The following DNAH8 variants were observed in gnomAD, a reference collection of about 807,000 sequenced individuals.
DNAH8 encodes the protein dynein axonemal heavy chain 8.
A neutral mutation model predicts 562.1 loss-of-function variants in DNAH8; 382 were observed. The observed-to-expected ratio is 0.68, with a 90% CI of 0.63 to 0.74. The LOEUF is 0.74. Among genes scored for constraint, DNAH8 ranks in the 30% least tolerant of loss-of-function variants. The probability of loss-of-function intolerance (pLI) is 0.00; values close to 1 mark genes in which losing one functional copy is unlikely to be tolerated. For synonymous variants in DNAH8, 1,881 were observed against 1,919.4 expected, an observed-to-expected ratio of 0.98 and a Z score of 0.52; for missense variants, 5,203 against 5,620.4, an observed-to-expected ratio of 0.93 and a Z score of 2.37.
At chr6:38,740,727 C>T (rs577142786) in intron 7 of DNAH8, among the ~76,000 whole-genome samples, 6 of 152,130 alleles carry the variant, frequency 3.9e-5, no homozygotes, top group Admixed American at 6.5e-5. Flanking sequence ...TGATCCTCCC[C>T]GCTCAGCCTC....
At chr6:39,012,116 A>G (rs1225779543) in intron 89 of DNAH8, 99 bp from the exon 90 acceptor site, 3 of 832,016 alleles carry the variant, frequency 3.6e-6, no homozygotes, top group Non-Finnish European at 5.5e-6. Flanking sequence ...TGGTAGAGAT[A>G]CATCTAGAGG....
Position 38,894,783 on chromosome 6 carries a change from C to G in DNAH8, c.8666C>G (p.Thr2889Ser), listed in dbSNP as rs1779565791. The G allele has an allele frequency of 6.2e-7, 1 of 1,613,932 alleles. No individual in the cohort carries two copies. Among genetic ancestry groups the G allele is most frequent in the East Asian group, 2.2e-5 (1 of 44,848 alleles). The change falls in exon 59 of 93, where the codon ACC (threonine) becomes AGC (serine). Residue 2889 changes from threonine to serine, a missense_variant. Around this residue, in one of 6 missense-constraint regions of DNAH8, gnomAD observed 977 missense variants for 1,061.8 expected, o/e 0.92. Coordinates refer to ENST00000327475, the MANE Select transcript of DNAH8 (RefSeq NM_001206927.2). Reference protein sequence around the residue: ...DLSRIWQGMLTIKAEECASIP... With the variant: ...DLSRIWQGMLSIKAEECASIP... ...TCCAGAATTTGGCAAGGAATGTTGACCATAAAAGCTGAGGAGTGCGCTTCA... is the reference window on the plus strand; with the variant it reads ...TCCAGAATTTGGCAAGGAATGTTGAGCATAAAAGCTGAGGAGTGCGCTTCA...
intron 58 of DNAH8, among the ~76,000 whole-genome samples, chr6:38,893,309 A>G (rs1779461179): frequency 6.6e-6 from 1 of 152,204 alleles, no homozygotes; most frequent in Non-Finnish European, 1.5e-5. Context: ...GTATTACTTT[A>G]TATAGCTTTA....
intron 24 of DNAH8, among the ~76,000 whole-genome samples, chr6:38,808,023 G>A (rs970519701): frequency 6.6e-6 from 1 of 152,138 alleles, no homozygotes; most frequent in African/African-American, 2.4e-5. Flanking sequence ...AGTTTACTAT[G>A]CTTTTGTATC....
intron 76 of DNAH8, among the ~76,000 whole-genome samples, 185 bp downstream of exon 76, chr6:38,932,178 C>G (rs1001121696): frequency 1.3e-3 from 41 of 32,602 alleles, no homozygotes; most frequent in Non-Finnish European, 2.3e-3. Context: ...TCTCATCCAG[C>G]CTGAAACACA....
intron 42 of DNAH8, among the ~76,000 whole-genome samples, chr6:38,858,412 A>C (rs1443227286): frequency 6.6e-6 from 1 of 152,220 alleles, no homozygotes; most frequent in Admixed American, 6.5e-5. Context: ...GTGATCACAG[A>C]CTGCCTGTTT....
chr6:38,726,720 C>G (rs558916876), intron 3 of DNAH8, among the ~76,000 whole-genome samples: 44 of 151,798 alleles, frequency 2.9e-4, no homozygotes, highest in Non-Finnish European at 5.3e-4. Context: ...GGGGAAAAGG[C>G]AAGGATATAT....
chr6:38,737,082 G>C lies in DNAH8; in HGVS notation c.778G>C (p.Val260Leu). Residue 260 changes from valine (V) to leucine (L), a missense_variant, in exon 6 of 93, where the codon GTT becomes CTT. Transcript: ENST00000327475. Reference sequence around the variant, plus strand: ...ACCCTTTCAGGAAGCGCTCTTTACTGTTCTGGATGCGTCGAAAGGACTCTT... The same window carrying C: ...ACCCTTTCAGGAAGCGCTCTTTACTCTTCTGGATGCGTCGAAAGGACTCTT... ...KTIQEEALFT[V>L]LDASKGLLNG... 6.4e-7 allele frequency: 1 copy of C among 1,558,130 alleles called. No individual in the cohort carries two copies. The highest frequency in any genetic ancestry group is 8.6e-7 in the Non-Finnish European group (1 of 1,159,010).
Position 38,815,487 on chromosome 6 carries a change from A to G in DNAH8, c.3353A>G (p.Asp1118Gly). 6.2e-7 allele frequency: 1 copy of G among 1,613,770 alleles called. No homozygotes were observed. Among genetic ancestry groups the G allele is most frequent in the Non-Finnish European group, 8.5e-7 (1 of 1,179,760 alleles). ...CCACAGGTGATGATTCCTAGTTTGG[A>G]TGACATTCAACAAGCCATTAACCGT... ...IPNVVMIPSL[D>G]DIQQAINRMI... Residue 1118 changes from aspartate to glycine, a missense_variant, in exon 26 of 93, where the codon GAT becomes GGT. Around this residue, in one of 6 missense-constraint regions of DNAH8, gnomAD observed 2,176 missense variants for 2,365.1 expected, o/e 0.92. Transcript: ENST00000327475.
At chr6:38,819,680 T>C (rs1397997569) in intron 26 of DNAH8, among the ~76,000 whole-genome samples, 1 of 152,100 alleles carries the variant, frequency 6.6e-6, no homozygotes, top group Non-Finnish European at 1.5e-5. Flanking sequence ...ATGAGAAGAA[T>C]TGGAGAGGAA....
intron 13 of DNAH8, among the ~76,000 whole-genome samples, chr6:38,776,519 C>T (rs1425244266): frequency 2.0e-5 from 3 of 152,164 alleles, no homozygotes. Flanking sequence ...CACCCAGCCT[C>T]ATTTTTAATA....
At chr6:38,721,886 T>A (rs552777805) in intron 1 of DNAH8, among the ~76,000 whole-genome samples, 172 of 152,344 alleles carry the variant, frequency 1.1e-3, no homozygotes, top group African/African-American at 3.8e-3. Context: ...TCTTTTTCTG[T>A]CTTCTTACGT....
In DNAH8 at chr6:38,733,747, C is replaced by G. The variant is rs570146696; in HGVS notation, c.611-727C>G. On this transcript the variant is annotated intron_variant, in intron 4 of 92. Transcript: ENST00000327475. Reference sequence around the variant, plus strand: ...CCAACATGGTAAAACCCTGTCTCTACTAAAACTACAAGAATTAGCCAGGCA... The same window carrying G: ...CCAACATGGTAAAACCCTGTCTCTAGTAAAACTACAAGAATTAGCCAGGCA... 2.1e-3 allele frequency among the ~76,000 whole-genome samples: 316 copies of G among 150,288 alleles called. 2 individuals carry two copies. Among genetic ancestry groups the G allele is most frequent in the Non-Finnish European group, 3.9e-3 (264 of 67,568 alleles).
chr6:38,903,917 C>T (rs1300910273), intron 62 of DNAH8, among the ~76,000 whole-genome samples: 2 of 151,914 alleles, frequency 1.3e-5, no homozygotes, highest in Non-Finnish European at 2.9e-5. Context: ...GCCACAGTGA[C>T]AATATTTTCT....
At chr6:38,845,474 T>C (rs984731095) in intron 35 of DNAH8, 100 bp from the exon 36 acceptor site, 10 of 820,240 alleles carry the variant, frequency 1.2e-5, no homozygotes, top group Non-Finnish European at 1.8e-5. Flanking sequence ...CTGGGTGACT[T>C]ACAGGTCCCT....
intron 79 of DNAH8, 68 bp downstream of exon 79, chr6:38,939,056 A>C: frequency 8.0e-7 from 1 of 1,247,296 alleles, no homozygotes; most frequent in Non-Finnish European, 1.1e-6. Flanking sequence ...TTGATATACC[A>C]TAAACCCATT....
chr6:38,842,871 G>A lies in DNAH8; in HGVS notation c.4813G>A (p.Ala1605Thr). The change falls in exon 35 of 93, where the codon GCA becomes ACA. Residue 1605 changes from alanine to threonine, a missense_variant. Ala to Thr is a moderately conservative substitution (Grantham distance 58). Around this residue, in one of 6 missense-constraint regions of DNAH8, gnomAD observed 2,176 missense variants for 2,365.1 expected, o/e 0.92. Coordinates refer to ENST00000327475, the MANE Select transcript of DNAH8 (RefSeq NM_001206927.2). Reference sequence around the variant, plus strand: ...TTTTTGCCTTAGAAATATCATGGAAGCACCACTCCTTAAACATAAGGATGA... The same window carrying A: ...TTTTTGCCTTAGAAATATCATGGAAACACCACTCCTTAAACATAAGGATGA... ...DSFCLRNIME[A>T]PLLKHKDDIE... is the part of the protein sequence containing the mutation. The A allele has an allele frequency of 3.1e-6, 5 of 1,613,608 alleles. No individual in the cohort carries two copies. The highest frequency in any genetic ancestry group is 4.2e-6 in the Non-Finnish European group (5 of 1,179,702).
At chr6:38,725,304 T>TATAATCATAATA (rs1554193003) in intron 3 of DNAH8, among the ~76,000 whole-genome samples, 33 of 135,384 alleles carry the variant, frequency 2.4e-4, no homozygotes, top group Non-Finnish European at 2.3e-4. Context: ...CTCCAACTCA[T>TATAATCATAATA]ATAATAATAA....
intron 1 of DNAH8, among the ~76,000 whole-genome samples, chr6:38,717,961 C>G (rs1762470733): frequency 6.6e-6 from 1 of 152,116 alleles, no homozygotes; most frequent in Admixed American, 6.5e-5. Context: ...CATATACACA[C>G]TTTAAAAATT....
Sources: allele counts gnomAD v4.1 joint callset (sites outside exome capture counted in the v4.1 genomes callset), GRCh38; gene constraint gnomAD v4.1.1; regional missense constraint gnomAD v4.1.1; transcripts MANE v1.5; gene names NCBI Gene and HGNC (gene_info 2026-07-23, HGNC 2026-07-21).